PHLDB2: variants seen among roughly 807,000 people sequenced by gnomAD.
The protein encoded by PHLDB2 is pleckstrin homology-like domain family B member 2.
PHLDB2 carries 71 observed loss-of-function variants against 123.6 expected under a neutral mutation model. That is an observed-to-expected ratio of 0.57 (90% CI 0.47 to 0.70). The LOEUF (loss-of-function observed/expected upper bound fraction) is 0.70. Ranked by LOEUF, PHLDB2 falls within the 30% of genes least tolerant of loss-of-function variation. PHLDB2 has a pLI of 0.00. For synonymous variants in PHLDB2, 547 were observed against 541.6 expected (o/e 1.01, Z -0.14); for missense variants, 1,446 against 1,519.5 (o/e 0.95, Z 0.80).
At chr3:111,863,899 A>G (rs896590042) in intron 1 of PHLDB2, among the ~76,000 whole-genome samples, 4 of 152,216 alleles carry the variant, frequency 2.6e-5, no homozygotes, top group African/African-American at 9.6e-5. Context: ...TCCTGTTTAC[A>G]TTGCTATGGT....
chr3:111,758,243 G>A (rs529036719), intron 1 of PHLDB2, among the ~76,000 whole-genome samples: 1 of 152,324 alleles, frequency 6.6e-6, no homozygotes, highest in African/African-American at 2.4e-5. Flanking sequence ...TCCTTGAGCT[G>A]TGGTGGGCTC....
At position 111,969,913 on chromosome 3, in the gene PHLDB2, G is replaced by A; in HGVS notation, c.3535+4G>A. On this transcript the variant is annotated splice_donor_region_variant and intron_variant, in intron 16 of 17. Coordinates refer to ENST00000431670, the MANE Select transcript of PHLDB2 (RefSeq NM_001134438.2). ...CGAACATTCTCTTATTATGCAGGTG[G>A]GTGATAAAAACAATTTAAGCCATAT... 2 of 1,613,196 alleles carry A rather than the reference G, an allele frequency of 1.2e-6. No individual in the cohort carries two copies. Among genetic ancestry groups the A allele is most frequent in the African/African-American group, 2.7e-5 (2 of 74,956 alleles).
intron 1 of PHLDB2, among the ~76,000 whole-genome samples, chr3:111,829,855 A>T (rs1315702589): frequency 6.6e-6 from 1 of 151,356 alleles, no homozygotes; most frequent in Non-Finnish European, 1.5e-5. Context: ...TAAACTCACA[A>T]TACTTTTTTT....
chr3:111,937,032 C>G (rs145472104), intron 6 of PHLDB2, among the ~76,000 whole-genome samples: 40 of 152,244 alleles, frequency 2.6e-4, no homozygotes, highest in African/African-American at 8.7e-4. Context: ...CAACCAAACA[C>G]TTGAAATTGA....
At position 111,783,642 on chromosome 3, in the gene PHLDB2, A is replaced by G. The variant is rs143748163; in HGVS notation, c.-49+50939A>G. Among the ~76,000 whole-genome samples, 642 of 152,308 alleles carry G rather than the reference A, an allele frequency of 4.2e-3. 1 individual carries two copies. Among genetic ancestry groups the G allele is most frequent in the African/African-American group, 0.015 (618 of 41,580 alleles). On this transcript the variant is annotated intron_variant, in intron 1 of 17. Transcript: ENST00000393923. ...AGGTTGAAGATAAACATTAATAACT[A>G]TAAAGGTACTTGTATTCCCGAGACA... is the stretch of plus-strand genomic sequence containing the variant.
intron 2 of PHLDB2, among the ~76,000 whole-genome samples, chr3:111,908,013 C>T (rs1424680944): frequency 6.6e-6 from 1 of 152,080 alleles, no homozygotes; most frequent in Admixed American, 6.6e-5. Flanking sequence ...TTTATTGAGA[C>T]TTCATCACAT....
At chr3:111,740,772 GAT>G (rs1341175168) in intron 1 of PHLDB2, among the ~76,000 whole-genome samples, 2 of 151,928 alleles carry the variant, frequency 1.3e-5, no homozygotes, top group African/African-American at 4.8e-5. Flanking sequence ...ACAGGCTTAT[GAT>G]TCAACCATAT....
At chr3:111,878,218 C>T (rs1416465871) in intron 1 of PHLDB2, among the ~76,000 whole-genome samples, 1 of 152,138 alleles carries the variant, frequency 6.6e-6, no homozygotes, top group Admixed American at 6.5e-5. Context: ...TGCGTCCTCT[C>T]TTATTTCTTT....
chr3:111,920,768 G>A (rs889404753), intron 5 of PHLDB2, among the ~76,000 whole-genome samples: 1 of 152,166 alleles, frequency 6.6e-6, no homozygotes, highest in Non-Finnish European at 1.5e-5. Context: ...GTATACTGAA[G>A]TTCTTTACCA....
intron 13 of PHLDB2, among the ~76,000 whole-genome samples, chr3:111,962,773 C>G (rs1484506346): frequency 6.6e-6 from 1 of 151,408 alleles, no homozygotes; most frequent in African/African-American, 2.4e-5. Flanking sequence ...CTACTAAATA[C>G]AAAAAATTAG....
chr3:111,902,552 A>G (rs567119473), intron 2 of PHLDB2, among the ~76,000 whole-genome samples: 4 of 152,364 alleles, frequency 2.6e-5, no homozygotes, highest in Non-Finnish European at 4.4e-5. Context: ...AAGTACAAAT[A>G]AAACAGGCAC....
chr3:111,775,083 CAATCAGTG>C (rs1157461671), intron 1 of PHLDB2, among the ~76,000 whole-genome samples: 1 of 152,124 alleles, frequency 6.6e-6, no homozygotes, highest in Non-Finnish European at 1.5e-5. Flanking sequence ...TCATAGCTAT[CAATCAGTG>C]AACAGGGGAG....
chr3:111,875,661 A>G (rs2065575637), intron 1 of PHLDB2, among the ~76,000 whole-genome samples: 2 of 151,364 alleles, frequency 1.3e-5, no homozygotes, highest in African/African-American at 4.8e-5. Flanking sequence ...CGTTTCTACT[A>G]AAAATACAAA....
rs142557577 is a variant in PHLDB2, at chr3:111,885,016, C to G, written c.939C>G (p.Pro313=). 6.2e-7 allele frequency: 1 copy of G among 1,614,038 alleles called. No individual in the cohort carries two copies. The highest frequency in any genetic ancestry group is 8.5e-7 in the Non-Finnish European group (1 of 1,180,030). The stretch of plus-strand genomic sequence containing the variant: ...CTTCTTTGAGCTCAGGGGCTTTACC[C>G]TATAAAACCTCTGCTTCTGAAGGCA... ...NFSSLSSGAL[P]YKTSASEGNP... The change falls in exon 2 of 18, where the codon CCC becomes CCG. Residue 313 remains proline, a synonymous_variant. Transcript: ENST00000431670.
chr3:111,969,640 A>C (rs777111448), intron 15 of PHLDB2, 50 bp from the exon 16 acceptor site: 1 of 1,506,170 alleles, frequency 6.6e-7, no homozygotes, highest in South Asian at 1.2e-5. Flanking sequence ...TGTGACCTAA[A>C]ACAAAACAAA....
chr3:111,740,899 T>TA (rs372089397), intron 1 of PHLDB2, among the ~76,000 whole-genome samples: 17,420 of 126,370 alleles, frequency 0.14, 1,210 homozygotes, highest in East Asian at 0.36. Context: ...CCCATCAAGT[T>TA]AAAAAAAAAA....
chr3:111,958,408 A>G (rs1267426854), intron 12 of PHLDB2: 4 of 582,838 alleles, frequency 6.9e-6, no homozygotes, highest in Non-Finnish European at 8.9e-6. Flanking sequence ...TAGCCATGTA[A>G]AAGTATATAC....
chr3:111,822,317 G>GTGTGTGTGTGTGTATA (rs1553734228), intron 1 of PHLDB2, among the ~76,000 whole-genome samples: 2 of 147,798 alleles, frequency 1.4e-5, no homozygotes, highest in African/African-American at 5.1e-5. Context: ...GTGTGTGTGT[G>GTGTGTGTGTGTGTATA]TATATATATA....
At chr3:111,780,412 A>AAGAGGAAGAAG (rs1326616017) in intron 1 of PHLDB2, among the ~76,000 whole-genome samples, 1 of 116,680 alleles carries the variant, frequency 8.6e-6, no homozygotes, top group Non-Finnish European at 1.8e-5. Context: ...AGAAGAAGAA[A>AAGAGGAAGAAG]AAGATTAGTT....
Sources: allele counts gnomAD v4.1 joint callset (sites outside exome capture counted in the v4.1 genomes callset), GRCh38; gene constraint gnomAD v4.1.1; transcripts MANE v1.5; gene names NCBI Gene and HGNC (gene_info 2026-07-23, HGNC 2026-07-21).